ZNF664: variants seen among roughly 807,000 people sequenced by gnomAD.
The protein encoded by ZNF664 is zinc finger protein 664.
Under a neutral mutation model 18.2 loss-of-function variants are expected in ZNF664, and 10 were observed. That is an observed-to-expected ratio of 0.55 (90% CI 0.34 to 0.93). ZNF664 has a LOEUF of 0.93. ZNF664 is among the 40% of genes least tolerant of loss of function. The pLI, the probability that ZNF664 is intolerant of heterozygous loss-of-function variation, is 0.02. For missense variants in ZNF664, 193 were observed against 319.0 expected (o/e 0.61, Z 3.01); for synonymous variants, 119 against 104.2 (o/e 1.14, Z -0.86).
chr12:124,004,977 A>G (rs999712899), intron 3 of ZNF664: 1 of 154,860 alleles, frequency 6.5e-6, no homozygotes, highest in African/African-American at 2.4e-5. Flanking sequence ...CAATGTAATA[A>G]TAATAGAAAT....
intron 3 of ZNF664, among the ~76,000 whole-genome samples, chr12:123,994,090 G>T (rs4765148): frequency 0.3 from 46,014 of 152,074 alleles, 7,095 homozygotes; most frequent in Middle Eastern, 0.34. Context: ...CGAAACTTCA[G>T]AATTATTTTG....
At chr12:123,980,600 TA>T (rs1239690639) in intron 2 of ZNF664, among the ~76,000 whole-genome samples, 1 of 152,154 alleles carries the variant, frequency 6.6e-6, no homozygotes, top group Non-Finnish European at 1.5e-5. Flanking sequence ...ACATTGCCAT[TA>T]AAAACGTTTA....
At chr12:123,995,124 G>A (rs1256507758) in intron 3 of ZNF664, among the ~76,000 whole-genome samples, 1 of 152,234 alleles carries the variant, frequency 6.6e-6, no homozygotes, top group Non-Finnish European at 1.5e-5. Flanking sequence ...AGCATGATCT[G>A]AGGGTGGTAG....
chr12:123,995,345 T>C (rs1051049118), intron 3 of ZNF664, among the ~76,000 whole-genome samples: 3 of 152,216 alleles, frequency 2.0e-5, no homozygotes, highest in Non-Finnish European at 4.4e-5. Context: ...CTTCACAGAC[T>C]ATTGTGTGAC....
At position 124,011,457 on chromosome 12, in the gene ZNF664, G is replaced by A. The variant is rs1957135406; in HGVS notation, c.-600+16G>A. The A allele has an allele frequency of 1.2e-6, 1 of 804,474 alleles. No homozygotes were observed. The highest frequency in any genetic ancestry group is 1.5e-6 in the Non-Finnish European group (1 of 666,260). The allele number at this position is 804,474 out of a possible 1,614,324, so 49.8% of individuals were successfully genotyped here. ...ACCAAAAAAGGTTTGTGTTACTGCT[G>A]TCACATTTATATAAAATTAATTTTG... On this transcript the variant is annotated intron_variant, in intron 4 of 4. Transcript: ENST00000337815.
chr12:123,987,456 C>T (rs1440890997), intron 2 of ZNF664, among the ~76,000 whole-genome samples: 2 of 152,146 alleles, frequency 1.3e-5, no homozygotes, highest in Non-Finnish European at 2.9e-5. Flanking sequence ...ATTTGCCAGG[C>T]AGTGTTTTAA....
chr12:123,983,844 A>G (rs758374697), intron 2 of ZNF664, among the ~76,000 whole-genome samples: 63 of 152,226 alleles, frequency 4.1e-4, no homozygotes, highest in Non-Finnish European at 6.6e-4. Context: ...TAATACTATA[A>G]CTTTACATTG....
chr12:123,976,672 G>C (rs1192121417), intron 2 of ZNF664, among the ~76,000 whole-genome samples: 1 of 152,042 alleles, frequency 6.6e-6, no homozygotes, highest in African/African-American at 2.4e-5. Context: ...GAGTAGAAGT[G>C]GGGAGACCAG....
intron 2 of ZNF664, 54 bp downstream of exon 2, chr12:123,974,074 G>T (rs1039966193): frequency 1.7e-6 from 2 of 1,146,516 alleles, no homozygotes; most frequent in African/African-American, 3.3e-5. Context: ...CTCCGCAGGC[G>T]TTCTCACCCC....
chr12:123,985,678 G>T (rs758908731), intron 2 of ZNF664, among the ~76,000 whole-genome samples: 5 of 152,204 alleles, frequency 3.3e-5, no homozygotes, highest in Non-Finnish European at 7.3e-5. Context: ...TGAGTGCCCA[G>T]TTTGAGCGGC....
At chr12:123,992,168 A>G (rs756825426) in intron 3 of ZNF664, among the ~76,000 whole-genome samples, 3 of 152,134 alleles carry the variant, frequency 2.0e-5, no homozygotes, top group Non-Finnish European at 4.4e-5. Flanking sequence ...GCGGGGCAGT[A>G]AGGAAAGGGG....
rs2138466555 is a variant in ZNF664 at position 124,012,115 on chromosome 12, T to G, written c.-30T>G. 1 of 1,574,434 alleles carries G rather than the reference T, an allele frequency of 6.4e-7. No individual in the cohort carries two copies. Among genetic ancestry groups the G allele is most frequent in the East Asian group, 2.2e-5 (1 of 44,682 alleles). On this transcript the variant is annotated 5_prime_UTR_variant, in exon 5 of 5. Coordinates refer to ENST00000337815, the MANE Select transcript of ZNF664 (RefSeq NM_152437.3). ...CTGTAGTAATCATAAGGAAATTTTC[T>G]CCTTGAAATCACGATACCAAATAGG...
Position 124,013,578 on chromosome 12 carries a change from A to C in ZNF664, c.*648A>C, listed in dbSNP as rs1232337435. On this transcript the variant is annotated 3_prime_UTR_variant, in exon 5 of 5. Transcript: ENST00000337815. ...TCAGAAAAGTCATTGGCAGACATATATGTCCTTGAACCTTTTTTATTTGTG... is the reference window on the plus strand; with the variant it reads ...TCAGAAAAGTCATTGGCAGACATATCTGTCCTTGAACCTTTTTTATTTGTG... The C allele has an allele frequency of 5.9e-6, 1 of 168,264 alleles. No homozygotes were observed. The highest frequency in any genetic ancestry group is 2.4e-5 in the African/African-American group (1 of 41,456). 10.4% of individuals were successfully genotyped at this position (168,264 alleles called of 1,614,324 possible). A position where few individuals can be genotyped will look rare whatever the true frequency, so the allele number is the denominator to read the frequency against.
intron 3 of ZNF664, among the ~76,000 whole-genome samples, chr12:123,996,417 A>G (rs1218119192): frequency 6.6e-6 from 1 of 152,136 alleles, no homozygotes; most frequent in Non-Finnish European, 1.5e-5. Context: ...GAGAATGTGT[A>G]TGGACACACA....
At position 124,011,718 on chromosome 12, in the gene ZNF664, A is replaced by C. The variant is rs1957137515; in HGVS notation, c.-427A>C. The stretch of plus-strand genomic sequence containing the variant: ...GCTCGAGACCAGCCAGCAGTATCTC[A>C]TCCTTCGATACAGGGGATATACTGT... On this transcript the variant is annotated 5_prime_UTR_variant, in exon 5 of 5. Transcript: ENST00000337815. 9.9e-7 allele frequency: 1 copy of C among 1,008,558 alleles called. No individual in the cohort carries two copies. 62.5% of individuals were successfully genotyped at this position (1,008,558 alleles called of 1,614,324 possible). A position where few individuals can be genotyped will look rare whatever the true frequency, so the allele number is the denominator to read the frequency against.
chr12:123,994,176 T>A (rs914163325), intron 3 of ZNF664, among the ~76,000 whole-genome samples: 1 of 149,336 alleles, frequency 6.7e-6, no homozygotes, highest in Non-Finnish European at 1.5e-5. Context: ...TACACATAAG[T>A]GGTCATCTTA....
intron 2 of ZNF664, among the ~76,000 whole-genome samples, chr12:123,978,942 CTCTT>C (rs1319163837): frequency 6.6e-6 from 1 of 152,088 alleles, no homozygotes; most frequent in Non-Finnish European, 1.5e-5. Flanking sequence ...GGATAAGTGG[CTCTT>C]TATTTAGAAA....
chr12:123,975,892 T>C (rs536698116), intron 2 of ZNF664, among the ~76,000 whole-genome samples: 13 of 152,350 alleles, frequency 8.5e-5, no homozygotes, highest in Admixed American at 7.2e-4. Context: ...GATTAGCTTT[T>C]ATGTCCTTCA....
chr12:123,986,009 C>A (rs1484636446), intron 2 of ZNF664, among the ~76,000 whole-genome samples: 1 of 151,564 alleles, frequency 6.6e-6, no homozygotes, highest in African/African-American at 2.4e-5. Context: ...TTACATAGGT[C>A]TTCGAGATGC....
Sources: gnomAD v4.1 joint callset for allele counts (sites outside exome capture counted in the v4.1 genomes callset) on GRCh38, gnomAD v4.1.1 for gene constraint, MANE v1.5 for transcripts, NCBI Gene and HGNC (gene_info 2026-07-23, HGNC 2026-07-21) for gene names.